The following IQUB variants were observed in gnomAD, a reference collection of about 807,000 sequenced individuals.
IQUB encodes IQ motif and ubiquitin-like domain-containing protein.
IQUB carries 86 observed loss-of-function variants against 86.4 expected under a neutral mutation model. The observed-to-expected ratio is 1.00, with a 90% CI of 0.84 to 1.19. The LOEUF (loss-of-function observed/expected upper bound fraction) is 1.19. IQUB is among the 50% of genes most tolerant of loss of function. The pLI is 0.00. For synonymous variants in IQUB, 289 were observed against 304.5 expected (o/e 0.95, Z 0.53); for missense variants, 946 against 916.9 (o/e 1.03, Z -0.41).
intron 8 of IQUB, among the ~76,000 whole-genome samples, chr7:123,471,679 T>A (rs1180303684): frequency 2.0e-5 from 3 of 152,206 alleles, no homozygotes; most frequent in Admixed American, 6.5e-5. Flanking sequence ...TGTGGTTAGA[T>A]CTTGGTTTCC....
chr7:123,488,121 G>A (rs560446889), intron 7 of IQUB, among the ~76,000 whole-genome samples: 88 of 151,848 alleles, frequency 5.8e-4, no homozygotes, highest in East Asian at 3.1e-3. Context: ...CGAGGCGGGC[G>A]GATCACGAGG....
At chr7:123,480,563 C>T (rs1794961614) in intron 7 of IQUB, among the ~76,000 whole-genome samples, 1 of 152,084 alleles carries the variant, frequency 6.6e-6, no homozygotes, top group Non-Finnish European at 1.5e-5. Flanking sequence ...CTTTCCTTCC[C>T]TCTCTCAACT....
At chr7:123,461,105 T>C (rs1584547036) in intron 11 of IQUB, among the ~76,000 whole-genome samples, 1 of 151,956 alleles carries the variant, frequency 6.6e-6, no homozygotes, top group East Asian at 1.9e-4. Context: ...TAACATCAGT[T>C]TCTGTAAAAG....
intron 1 of IQUB, among the ~76,000 whole-genome samples, chr7:123,530,907 C>T (rs1797509904): frequency 6.6e-6 from 1 of 151,982 alleles, no homozygotes; most frequent in Non-Finnish European, 1.5e-5. Flanking sequence ...AAACTCCTGA[C>T]CTCAGGTGCT....
At chr7:123,522,180 A>G (rs1796936541) in intron 1 of IQUB, among the ~76,000 whole-genome samples, 1 of 152,078 alleles carries the variant, frequency 6.6e-6, no homozygotes, top group Non-Finnish European at 1.5e-5. Flanking sequence ...AACAAAGAGC[A>G]GGCTTTCTTT....
intron 1 of IQUB, among the ~76,000 whole-genome samples, chr7:123,528,145 A>G (rs1466607602): frequency 6.6e-6 from 1 of 152,222 alleles, no homozygotes; most frequent in Non-Finnish European, 1.5e-5. Flanking sequence ...GCGCTTCCCA[A>G]GTGAGGCAAT....
chr7:123,527,123 T>C (rs1038544025), intron 1 of IQUB, among the ~76,000 whole-genome samples: 3 of 152,242 alleles, frequency 2.0e-5, no homozygotes, highest in Non-Finnish European at 4.4e-5. Context: ...CTGAGGCTTC[T>C]GCATTCTTCA....
rs765223959 is a variant in IQUB, at chr7:123,452,882, A to G, written c.2237T>C (p.Ile746Thr). Reference protein sequence around the residue: ...SFIHKIKHKHILAKNYFSQVP... With the variant: ...SFIHKIKHKHTLAKNYFSQVP... ...CTGAGAAAAATAGTTCTTAGCCAGGATATGTTTGTGTTTGATCTTGTGAAT... is the reference window on the plus strand; with the variant it reads ...CTGAGAAAAATAGTTCTTAGCCAGGGTATGTTTGTGTTTGATCTTGTGAAT... The change falls in exon 13 of 13, where the codon ATC becomes ACC. Residue 746 changes from isoleucine to threonine, a missense_variant. By Grantham distance (89) the Ile-to-Thr change is moderately conservative. Transcript: ENST00000324698. 1 of 1,613,226 alleles carries G rather than the reference A, an allele frequency of 6.2e-7. No individual in the cohort carries two copies. Among genetic ancestry groups the G allele is most frequent in the Non-Finnish European group, 8.5e-7 (1 of 1,179,542 alleles).
At chr7:123,473,281 C>T (rs1376993869) in intron 8 of IQUB, among the ~76,000 whole-genome samples, 1 of 152,078 alleles carries the variant, frequency 6.6e-6, no homozygotes, top group Non-Finnish European at 1.5e-5. Flanking sequence ...CTTTCCTGCC[C>T]CATTAACTGT....
At position 123,503,080 on chromosome 7, in the gene IQUB, A is replaced by T; in HGVS notation, c.731T>A (p.Val244Asp). 6.2e-7 allele frequency: 1 copy of T among 1,613,478 alleles called. No individual in the cohort carries two copies. The highest frequency in any genetic ancestry group is 8.5e-7 in the Non-Finnish European group (1 of 1,179,688). Residue 244 changes from valine (V) to aspartate (D), a missense_variant, in exon 5 of 13, where the codon GTC (valine) becomes GAC (aspartate). Physicochemically the swap from Val to Asp is radical, Grantham distance 152. Coordinates refer to ENST00000324698, the MANE Select transcript of IQUB (RefSeq NM_178827.5). ...AAATGGTTTGTGAAAGTCAGATTTGACAATCTCAACAGGTACCTGCTGGTA... is the reference window on the plus strand; with the variant it reads ...AAATGGTTTGTGAAAGTCAGATTTGTCAATCTCAACAGGTACCTGCTGGTA... Reference protein sequence around the residue: ...DQYQQVPVEIVKSDFHKPFLG... With the variant: ...DQYQQVPVEIDKSDFHKPFLG...
At chr7:123,461,644 A>AAG in intron 10 of IQUB, 39 bp from the exon 11 acceptor site, 4 of 1,493,716 alleles carry the variant, frequency 2.7e-6, no homozygotes, top group Non-Finnish European at 3.6e-6. Flanking sequence ...AGGTCTAAAA[A>AAG]GCCAGGCCAG....
chr7:123,496,574 A>G (rs1795714089), intron 7 of IQUB, 122 bp downstream of exon 7: 1 of 574,932 alleles, frequency 1.7e-6, no homozygotes, highest in East Asian at 3.0e-5. Flanking sequence ...AAAATTCTCT[A>G]CTGCAAATTT....
intron 3 of IQUB, among the ~76,000 whole-genome samples, chr7:123,509,431 G>A (rs112241325): frequency 6.6e-6 from 1 of 151,584 alleles, no homozygotes; most frequent in Non-Finnish European, 1.5e-5. Flanking sequence ...ATCTCCTCCC[G>A]CTACCCATAT....
chr7:123,466,525 G>C (rs1013585154), intron 9 of IQUB, among the ~76,000 whole-genome samples: 1 of 152,068 alleles, frequency 6.6e-6, no homozygotes, highest in Non-Finnish European at 1.5e-5. Flanking sequence ...CTTTGAAAAG[G>C]TAGTCCAGAG....
intron 8 of IQUB, among the ~76,000 whole-genome samples, chr7:123,478,153 C>A (rs543347213): frequency 1.3e-5 from 2 of 152,080 alleles, no homozygotes; most frequent in South Asian, 2.1e-4. Flanking sequence ...ATGTTTATTG[C>A]GGCACTCTTC....
In IQUB at chr7:123,467,113, TAAATA is replaced by T. The variant is rs528656959; in HGVS notation, c.1581+2096_1581+2100del. ...AGCTTACATTATGGTCAGGATAAATTAAATAAAATAATATAAATTATTTAATTTAT... is the reference window on the plus strand; with the variant it reads ...AGCTTACATTATGGTCAGGATAAATTAAATAATATAAATTATTTAATTTAT... On this transcript the variant is annotated intron_variant, in intron 9 of 12. Transcript: ENST00000324698. 5.4e-3 allele frequency among the ~76,000 whole-genome samples: 813 copies of T among 151,414 alleles called. 8 individuals carry two copies. The highest frequency in any genetic ancestry group is 0.019 in the African/African-American group (780 of 41,360).
intron 1 of IQUB, among the ~76,000 whole-genome samples, chr7:123,519,991 T>A (rs937095029): frequency 4.1e-5 from 6 of 144,786 alleles, no homozygotes; most frequent in Non-Finnish European, 1.5e-5. Flanking sequence ...AACAAATTTT[T>A]ATTGGGTACC....
intron 12 of IQUB, 86 bp downstream of exon 12, chr7:123,457,295 C>T (rs1793742716): frequency 5.3e-6 from 8 of 1,505,366 alleles, no homozygotes; most frequent in Non-Finnish European, 7.1e-6. Flanking sequence ...AGTATTTAAG[C>T]ATGGAATATA....
At chr7:123,460,944 T>C (rs1376312262) in intron 11 of IQUB, among the ~76,000 whole-genome samples, 2 of 151,428 alleles carry the variant, frequency 1.3e-5, no homozygotes, top group Non-Finnish European at 2.9e-5. Context: ...ACACTTTACA[T>C]AGACAAGTAT....
Sources: allele counts gnomAD v4.1 joint callset (sites outside exome capture counted in the v4.1 genomes callset), GRCh38; gene constraint gnomAD v4.1.1; transcripts MANE v1.5; gene names NCBI Gene and HGNC (gene_info 2026-07-23, HGNC 2026-07-21).